ATP6V1E2: variants seen among roughly 807,000 people sequenced by gnomAD.
ATP6V1E2 encodes V-type proton ATPase subunit E 2.
For missense variants in ATP6V1E2, 308 were observed against 273.3 expected (o/e 1.13, Z -0.90); for synonymous variants, 121 against 104.2 (o/e 1.16, Z -0.98).
At chr2:46,517,986 A>C (rs1329677933) in intron 4 of ATP6V1E2, among the ~76,000 whole-genome samples, 1 of 152,228 alleles carries the variant, frequency 6.6e-6, no homozygotes, top group Admixed American at 6.5e-5. Flanking sequence ...TTACCATGTA[A>C]TCCAGCAATC....
chr2:46,540,545 C>T (rs1002962913), intron 2 of ATP6V1E2, among the ~76,000 whole-genome samples: 3 of 149,934 alleles, frequency 2.0e-5, no homozygotes, highest in Admixed American at 6.6e-5. Context: ...AGCAGACAGC[C>T]TATGGGACGC....
chr2:46,535,902 G>A lies in ATP6V1E2; in HGVS notation c.-191C>T, dbSNP rs1009463541. 6 of 152,206 alleles carry A rather than the reference G, an allele frequency of 3.9e-5. No homozygotes were observed. The highest frequency in any genetic ancestry group is 1.4e-4 in the African/African-American group (6 of 41,442). The allele number at this position is 152,206 out of a possible 1,614,324, so 9.4% of individuals were successfully genotyped here. A position where few individuals can be genotyped will look rare whatever the true frequency, so the allele number is the denominator to read the frequency against. On this transcript the variant is annotated 5_prime_UTR_variant, in exon 4 of 5. Coordinates refer to ENST00000522587, the MANE Select transcript of ATP6V1E2 (RefSeq NM_001318063.2). This position sits in a 1 kb window ranked among gnomAD's most constrained non-coding sequence, Gnocchi z 4.4. ...GGAAGAACAACTCTGTGTGAGTCTT[G>A]GGATGGTTTTCTGGCACTCTTGGTT... is the stretch of plus-strand genomic sequence containing the variant.
rs1322671238 is a variant in ATP6V1E2 at position 46,530,022 on chromosome 2, T to G, written c.-102+5791A>C. Among the ~76,000 whole-genome samples the G allele has an allele frequency of 2.0e-5, 3 of 152,164 alleles. No homozygotes were observed. The highest frequency in any genetic ancestry group is 7.2e-5 in the African/African-American group (3 of 41,428). The stretch of plus-strand genomic sequence containing the variant: ...ATTTCAGTATATTTATAACCTGTCC[T>G]GTTACATTGTTGCAAAGGGGGTTGA... On this transcript the variant is annotated intron_variant, in intron 4 of 4. Coordinates refer to ENST00000522587, the MANE Select transcript of ATP6V1E2 (RefSeq NM_001318063.2). This position sits in a 1 kb window ranked among gnomAD's most constrained non-coding sequence, Gnocchi z 5.2.
chr2:46,529,027 G>A (rs6732553), intron 4 of ATP6V1E2, among the ~76,000 whole-genome samples: 178 of 152,298 alleles, frequency 1.2e-3, no homozygotes, highest in African/African-American at 3.9e-3. Context: ...AGCCTCCAGA[G>A]GGGCCAAGGG....
rs111675373 is a variant in ATP6V1E2 at position 46,512,821 on chromosome 2, G to C, written c.-101-9C>G. ...GAGTTCCACTTTCTCAGCTATACCA[G>C]TGAACAAGAGGATGAAAGAGAAAGT... On this transcript the variant is annotated splice_polypyrimidine_tract_variant and intron_variant, in intron 4 of 4. Transcript: ENST00000522587. 44 of 905,766 alleles carry C rather than the reference G, an allele frequency of 4.9e-5. No individual in the cohort carries two copies. In the African/African-American group the frequency reaches 6.0e-4, roughly 12 times the overall value. The allele number at this position is 905,766 out of a possible 1,614,324, so 56.1% of individuals were successfully genotyped here.
intron 2 of ATP6V1E2, among the ~76,000 whole-genome samples, chr2:46,538,062 C>A (rs1228388974): frequency 6.6e-6 from 1 of 152,160 alleles, no homozygotes; most frequent in East Asian, 1.9e-4. Context: ...TCTGTCATCC[C>A]CACATCCCCA....
At chr2:46,533,840 T>G (rs987175562) in intron 4 of ATP6V1E2, among the ~76,000 whole-genome samples, 2 of 152,246 alleles carry the variant, frequency 1.3e-5, no homozygotes, top group Admixed American at 6.5e-5. Flanking sequence ...GATATAGAAT[T>G]CTAGATTGAC....
At chr2:46,522,894 C>T (rs138340921) in intron 4 of ATP6V1E2, among the ~76,000 whole-genome samples, 142 of 152,316 alleles carry the variant, frequency 9.3e-4, no homozygotes, top group African/African-American at 3.3e-3. Flanking sequence ...TACGGCCTCA[C>T]TGGCATCTAT....
At chr2:46,531,826 T>C (rs1367505464) in intron 4 of ATP6V1E2, among the ~76,000 whole-genome samples, 1 of 152,254 alleles carries the variant, frequency 6.6e-6, no homozygotes, top group Non-Finnish European at 1.5e-5. Flanking sequence ...TGGTGATTTA[T>C]ATCTTGTTTG....
At chr2:46,514,008 G>T (rs1264912327) in intron 4 of ATP6V1E2, among the ~76,000 whole-genome samples, 1 of 151,698 alleles carries the variant, frequency 6.6e-6, no homozygotes, top group Non-Finnish European at 1.5e-5. Flanking sequence ...CTTTTAGTGT[G>T]GTGACTCATG....
chr2:46,523,747 G>GT (rs143890634), intron 4 of ATP6V1E2, among the ~76,000 whole-genome samples: 2,623 of 151,682 alleles, frequency 0.017, 74 homozygotes, highest in African/African-American at 0.059. Context: ...ATTTAAAATA[G>GT]TTTTTTTTTA....
chr2:46,541,765 C>G (rs1667787918), intron 1 of ATP6V1E2: 2 of 152,298 alleles, frequency 1.3e-5, no homozygotes, highest in African/African-American at 4.8e-5. Context: ...GCATTCTTGG[C>G]CAGTGAACAG....
At chr2:46,529,728 C>G (rs1667093217) in intron 4 of ATP6V1E2, among the ~76,000 whole-genome samples, 1 of 152,002 alleles carries the variant, frequency 6.6e-6, no homozygotes, top group Non-Finnish European at 1.5e-5. Flanking sequence ...TGCACTCCAG[C>G]CTGGGTAACA....
chr2:46,532,237 T>C (rs1667216846), intron 4 of ATP6V1E2, among the ~76,000 whole-genome samples: 1 of 152,128 alleles, frequency 6.6e-6, no homozygotes, highest in African/African-American at 2.4e-5. Context: ...TGTGGATATC[T>C]AGTTTGTCTC....
intron 4 of ATP6V1E2, among the ~76,000 whole-genome samples, chr2:46,520,279 G>A (rs940787075): frequency 2.0e-4 from 31 of 152,228 alleles, no homozygotes; most frequent in African/African-American, 6.8e-4. Flanking sequence ...GTAACTTCTC[G>A]TCTGTCTGGG....
At chr2:46,524,325 G>A (rs1405358139) in intron 4 of ATP6V1E2, among the ~76,000 whole-genome samples, 1 of 152,124 alleles carries the variant, frequency 6.6e-6, no homozygotes, top group Non-Finnish European at 1.5e-5. Context: ...GAAGATACAT[G>A]AAAGAACATA....
rs1667838814 is a variant in ATP6V1E2 at position 46,542,495 on chromosome 2, C to G, written c.-652G>C. ...TCCGCGGTCCTCGGCTCCTCCTCCT[C>G]CTGCGCGCCCCTCCGCGCGGCCCTC... is the stretch of plus-strand genomic sequence containing the variant. On this transcript the variant is annotated 5_prime_UTR_variant, in exon 1 of 5. Coordinates refer to ENST00000522587, the MANE Select transcript of ATP6V1E2 (RefSeq NM_001318063.2). 6.7e-6 allele frequency: 1 copy of G among 150,248 alleles called. No homozygotes were observed. Among genetic ancestry groups the G allele is most frequent in the African/African-American group, 2.4e-5 (1 of 41,234 alleles). The allele number at this position is 150,248 out of a possible 1,614,324, so 9.3% of individuals were successfully genotyped here.
intron 4 of ATP6V1E2, among the ~76,000 whole-genome samples, chr2:46,514,422 GC>G (rs1430054318): frequency 6.6e-6 from 1 of 152,114 alleles, no homozygotes; most frequent in Non-Finnish European, 1.5e-5. Flanking sequence ...TGCTCAACAA[GC>G]CCAGGAAAAT....
Position 46,530,722 on chromosome 2 carries a change from C to T in ATP6V1E2, c.-102+5091G>A, listed in dbSNP as rs1289540039. Among the ~76,000 whole-genome samples, 2 of 152,198 alleles carry T rather than the reference C, an allele frequency of 1.3e-5. No homozygotes were observed. Among genetic ancestry groups the T allele is most frequent in the Non-Finnish European group, 2.9e-5 (2 of 68,030 alleles). On this transcript the variant is annotated intron_variant, in intron 4 of 4. Transcript: ENST00000522587. The surrounding 1 kb of genome is among the most constrained non-coding windows in gnomAD (Gnocchi z 5.2). ...GAGGTTTCATTGACTCACAGTTCAGCATGTCTGGGGAGGCCTTACAATCAT... is the reference window on the plus strand; with the variant it reads ...GAGGTTTCATTGACTCACAGTTCAGTATGTCTGGGGAGGCCTTACAATCAT...
Sources: gnomAD v4.1 joint callset for allele counts (sites outside exome capture counted in the v4.1 genomes callset) on GRCh38, gnomAD v4.1.1 for gene constraint, Gnocchi (gnomAD v3.1) non-coding constraint, MANE v1.5 for transcripts, NCBI Gene and HGNC (gene_info 2026-07-23, HGNC 2026-07-21) for gene names.